TFG: variants seen among roughly 807,000 people sequenced by gnomAD.
The protein encoded by TFG is trafficking from ER to golgi regulator, also known as protein TFG.
A neutral mutation model predicts 51.4 loss-of-function variants in TFG; 22 were observed. The ratio of observed to expected loss-of-function variants is 0.43; its 90% CI spans 0.31 to 0.61. The LOEUF (loss-of-function observed/expected upper bound fraction) is 0.61, where lower values mean the gene tolerates loss of function less well. Among genes scored for constraint, TFG ranks in the 20% least tolerant of loss-of-function variants. TFG has a pLI of 0.12. For synonymous variants in TFG, 187 were observed against 165.6 expected (o/e 1.13, Z -0.99); for missense variants, 419 against 487.7 (o/e 0.86, Z 1.33).
chr3:100,718,549 G>GTT lies in TFG; in HGVS notation c.185-1401_185-1400dup, dbSNP rs57611480. ...TTTAGTTACAACTTTGTATTTCATGGTTTTTTTTTTTTTTTTTTTTTTTTT... is the reference window on the plus strand; with the variant it reads ...TTTAGTTACAACTTTGTATTTCATGGTTTTTTTTTTTTTTTTTTTTTTTTTTT... On this transcript the variant is annotated intron_variant, in intron 2 of 7. Transcript: ENST00000240851. Among the ~76,000 whole-genome samples the GTT allele has an allele frequency of 3.7e-3, 224 of 60,096 alleles. 25 individuals are homozygous for GTT. Among genetic ancestry groups the GTT allele is most frequent in the African/African-American group, 0.013 (218 of 16,658 alleles). 39.4% of individuals were successfully genotyped at this position (60,096 alleles called of 152,430 possible).
chr3:100,713,587 G>C (rs1376048949), intron 1 of TFG, 56 bp from the exon 2 acceptor site: 3 of 776,622 alleles, frequency 3.9e-6, no homozygotes, highest in Non-Finnish European at 5.7e-6. Flanking sequence ...TAGTAGCTTT[G>C]CTCTCAACTT....
intron 3 of TFG, among the ~76,000 whole-genome samples, chr3:100,722,229 GAACTTAAAGT>G (rs1196235594): frequency 1.3e-5 from 2 of 152,118 alleles, no homozygotes; most frequent in African/African-American, 4.8e-5. Flanking sequence ...ATTTTATAAA[GAACTTAAAGT>G]AACTTGGAAA....
At chr3:100,717,179 A>G (rs1266687128) in intron 2 of TFG, among the ~76,000 whole-genome samples, 3 of 152,178 alleles carry the variant, frequency 2.0e-5, no homozygotes, top group Admixed American at 6.5e-5. Context: ...TATAGATAAC[A>G]TGGATTATGT....
rs1240541035 is a variant in TFG at position 100,728,732 on chromosome 3, C to T, written c.289C>T (p.Leu97Phe). ...TLFVNGQPRP[L>F]ESSQVKYLRR... ...TTCAGTTAATGGCCAGCCAAGACCC[C>T]TTGAATCAAGTCAGGTGAAATATCT... The change falls in exon 4 of 8, where the codon CTT becomes TTT. Residue 97 changes from leucine (L) to phenylalanine (F), a missense_variant. By Grantham distance (22) the Leu-to-Phe change is conservative. Coordinates refer to ENST00000240851, the MANE Select transcript of TFG (RefSeq NM_006070.6). 6 of 1,607,922 alleles carry T rather than the reference C, an allele frequency of 3.7e-6. No homozygotes were observed. The highest frequency in any genetic ancestry group is 5.1e-6 in the Non-Finnish European group (6 of 1,177,396).
chr3:100,725,755 T>C (rs1188915245), intron 3 of TFG, among the ~76,000 whole-genome samples: 1 of 152,010 alleles, frequency 6.6e-6, no homozygotes, highest in Non-Finnish European at 1.5e-5. Context: ...ATCAGGCCAC[T>C]GCATTACAGT....
intron 2 of TFG, among the ~76,000 whole-genome samples, chr3:100,718,244 C>T (rs2149064222): frequency 6.6e-6 from 1 of 152,210 alleles, no homozygotes; most frequent in East Asian, 1.9e-4. Flanking sequence ...GCCTTTTTTC[C>T]CACTTGAAGA....
At chr3:100,729,905 T>G (rs2095086774) in intron 4 of TFG, among the ~76,000 whole-genome samples, 1 of 152,156 alleles carries the variant, frequency 6.6e-6, no homozygotes, top group South Asian at 2.1e-4. Context: ...ATTTGGTGAT[T>G]GATTATTCCT....
intron 3 of TFG, 90 bp downstream of exon 3, chr3:100,720,148 C>A: frequency 4.1e-6 from 3 of 725,506 alleles, no homozygotes; most frequent in Non-Finnish European, 4.5e-6. Context: ...CTCAGGTAAG[C>A]AATAACTTAT....
intron 6 of TFG, among the ~76,000 whole-genome samples, chr3:100,737,529 G>A (rs2095109865): frequency 6.6e-6 from 1 of 152,182 alleles, no homozygotes; most frequent in Non-Finnish European, 1.5e-5. Context: ...TGTGATTTTT[G>A]TATTGTCTAT....
chr3:100,744,940 G>A lies in TFG; in HGVS notation c.820+9G>A. 6.3e-7 allele frequency: 1 copy of A among 1,588,486 alleles called. No individual in the cohort carries two copies. The highest frequency in any genetic ancestry group is 8.6e-7 in the Non-Finnish European group (1 of 1,160,524). Reference sequence around the variant, plus strand: ...TGGTATTCAGTATTCAGGTGAGCAGGTGTTGAAAGGGAGTTGGCTCATGGT... The same window carrying A: ...TGGTATTCAGTATTCAGGTGAGCAGATGTTGAAAGGGAGTTGGCTCATGGT... On this transcript the variant is annotated intron_variant, in intron 7 of 7. Transcript: ENST00000240851.
intron 6 of TFG, chr3:100,743,794 A>G (rs2149095629): frequency 6.6e-6 from 1 of 151,154 alleles, no homozygotes; most frequent in Admixed American, 6.6e-5. Flanking sequence ...GTGGGAGTTG[A>G]TATAATGTCT....
intron 6 of TFG, among the ~76,000 whole-genome samples, chr3:100,741,145 CATT>C (rs1398419941): frequency 6.6e-6 from 1 of 151,954 alleles, no homozygotes; most frequent in Non-Finnish European, 1.5e-5. Flanking sequence ...ATTTTTAAAT[CATT>C]AGAGTGTACT....
At chr3:100,715,773 T>G (rs1168769515) in intron 2 of TFG, among the ~76,000 whole-genome samples, 1 of 152,020 alleles carries the variant, frequency 6.6e-6, no homozygotes, top group Non-Finnish European at 1.5e-5. Context: ...CAGGCTACAG[T>G]GCAGTGGCAT....
At chr3:100,738,271 G>A (rs556482794) in intron 6 of TFG, among the ~76,000 whole-genome samples, 8 of 152,168 alleles carry the variant, frequency 5.3e-5, no homozygotes, top group Non-Finnish European at 1.0e-4. Context: ...GAACAAACTA[G>A]AACTAAAGCA....
chr3:100,739,123 T>C (rs1029209932), intron 6 of TFG, among the ~76,000 whole-genome samples: 8 of 152,216 alleles, frequency 5.3e-5, no homozygotes, highest in African/African-American at 1.7e-4. Context: ...TTTTACTTTT[T>C]GTTGTATAAT....
chr3:100,738,441 G>C (rs1404944566), intron 6 of TFG, among the ~76,000 whole-genome samples: 1 of 152,188 alleles, frequency 6.6e-6, no homozygotes, highest in East Asian at 1.9e-4. Context: ...AATAATGTTT[G>C]CTGTTTATGT....
intron 3 of TFG, among the ~76,000 whole-genome samples, chr3:100,720,313 C>T (rs2095057265): frequency 6.6e-6 from 1 of 152,030 alleles, no homozygotes; most frequent in South Asian, 2.1e-4. Flanking sequence ...ACTTAGGTAT[C>T]CCTGGTGCAG....
chr3:100,737,327 C>T (rs1340848381), intron 6 of TFG, among the ~76,000 whole-genome samples: 3 of 152,170 alleles, frequency 2.0e-5, no homozygotes, highest in African/African-American at 4.8e-5. Flanking sequence ...CTGGACTGAA[C>T]CCAGTGGTTT....
At chr3:100,709,917 G>A (rs1489957320) in intron 1 of TFG, 196 bp downstream of exon 1, 10 of 115,594 alleles carry the variant, frequency 8.7e-5, no homozygotes, top group Admixed American at 7.2e-4. Flanking sequence ...GGCGGGCGGG[G>A]CCTTGCATGG....
Sources: gnomAD v4.1 joint callset for allele counts (sites outside exome capture counted in the v4.1 genomes callset) on GRCh38, gnomAD v4.1.1 for gene constraint, MANE v1.5 for transcripts, NCBI Gene and HGNC (gene_info 2026-07-23, HGNC 2026-07-21) for gene names.